CNTN4: variants seen among roughly 807,000 people sequenced by gnomAD.
CNTN4 encodes the protein contactin 4, also known as contactin-4.
CNTN4 carries 77 observed loss-of-function variants against 122.5 expected under a neutral mutation model. The ratio of observed to expected loss-of-function variants is 0.63; its 90% CI spans 0.52 to 0.76. The LOEUF (loss-of-function observed/expected upper bound fraction) is 0.76. Ranked by LOEUF, CNTN4 falls within the 30% of genes least tolerant of loss-of-function variation. The pLI, the probability that CNTN4 is intolerant of heterozygous loss-of-function variation, is 0.00. For missense variants in CNTN4, 1,256 were observed against 1,259.1 expected (o/e 1.00, Z 0.04); for synonymous variants, 512 against 447.0 (o/e 1.15, Z -1.83).
chr3:2,109,800 A>C (rs900991983), intron 2 of CNTN4, among the ~76,000 whole-genome samples: 1 of 152,214 alleles, frequency 6.6e-6, no homozygotes, highest in Non-Finnish European at 1.5e-5. Flanking sequence ...TTGATTAGCT[A>C]TTAGCTAGAT....
intron 9 of CNTN4, among the ~76,000 whole-genome samples, chr3:2,885,969 G>T (rs918518577): frequency 1.3e-5 from 2 of 152,086 alleles, no homozygotes; most frequent in African/African-American, 4.8e-5. Context: ...GACAGCTCAG[G>T]GCTGCCATGA....
intron 4 of CNTN4, among the ~76,000 whole-genome samples, chr3:2,650,764 A>C (rs775453001): frequency 6.6e-6 from 1 of 152,194 alleles, no homozygotes; most frequent in African/African-American, 2.4e-5. Flanking sequence ...AGTTATGTAC[A>C]TTGTGTTTTT....
chr3:2,687,535 C>T (rs138921068), intron 4 of CNTN4, among the ~76,000 whole-genome samples: 16 of 152,180 alleles, frequency 1.1e-4, no homozygotes, highest in Non-Finnish European at 1.5e-4. Flanking sequence ...TGGTGGCATG[C>T]GCCTGTAGTC....
Position 2,518,215 on chromosome 3 carries a change from A to ATGTGTG in CNTN4, c.-88-53186_-88-53181dup, listed in dbSNP as rs59623316. On this transcript the variant is annotated intron_variant, in intron 3 of 24. Transcript: ENST00000418658. ...GAGGAAAACAGTTTCTTAGGTTAATATGTGTGTGTGTGTGTGTGTGCACAC... is the reference window on the plus strand; with the variant it reads ...GAGGAAAACAGTTTCTTAGGTTAATATGTGTGTGTGTGTGTGTGTGTGTGTGCACAC... Among the ~76,000 whole-genome samples, 731 of 150,840 alleles carry ATGTGTG rather than the reference A, an allele frequency of 4.8e-3. 12 individuals are homozygous for ATGTGTG. The highest frequency in any genetic ancestry group is 0.016 in the African/African-American group (666 of 41,222).
intron 3 of CNTN4, among the ~76,000 whole-genome samples, chr3:2,521,681 T>G (rs2077224125): frequency 1.3e-5 from 2 of 152,044 alleles, no homozygotes; most frequent in Admixed American, 1.3e-4. Context: ...GGTAGTAAAA[T>G]ATATAGTGTT....
chr3:2,196,830 A>C (rs971985067), intron 2 of CNTN4, among the ~76,000 whole-genome samples: 1 of 152,050 alleles, frequency 6.6e-6, no homozygotes, highest in Admixed American at 6.6e-5. Flanking sequence ...AGATCTTATG[A>C]GGTCGGAAGT....
At chr3:2,273,436 G>A (rs1218535864) in intron 2 of CNTN4, among the ~76,000 whole-genome samples, 1 of 152,090 alleles carries the variant, frequency 6.6e-6, no homozygotes, top group Admixed American at 6.6e-5. Context: ...GTCTCTTCCA[G>A]TTGTTTTTCT....
At chr3:2,576,086 C>T (rs1170893840) in intron 4 of CNTN4, among the ~76,000 whole-genome samples, 1 of 152,098 alleles carries the variant, frequency 6.6e-6, no homozygotes, top group Non-Finnish European at 1.5e-5. Context: ...CTGCCCACCT[C>T]GGCCTCCCAG....
chr3:2,914,242 G>C (rs184948844), intron 12 of CNTN4, among the ~76,000 whole-genome samples: 9 of 151,956 alleles, frequency 5.9e-5, no homozygotes, highest in African/African-American at 9.7e-5. Context: ...TCGCACCACA[G>C]GCAACTAGAA....
chr3:2,712,856 G>A (rs2087234106), intron 4 of CNTN4, among the ~76,000 whole-genome samples: 1 of 152,172 alleles, frequency 6.6e-6, no homozygotes, highest in African/African-American at 2.4e-5. Flanking sequence ...ACAGGACAGG[G>A]TGCAAAGAGC....
chr3:2,481,890 G>T (rs547972288), intron 3 of CNTN4, among the ~76,000 whole-genome samples: 2 of 152,134 alleles, frequency 1.3e-5, no homozygotes, highest in Admixed American at 6.5e-5. Flanking sequence ...ATGATTGTAA[G>T]TTTCATGAGA....
intron 3 of CNTN4, among the ~76,000 whole-genome samples, chr3:2,537,462 G>A (rs1179021402): frequency 6.6e-6 from 1 of 152,138 alleles, no homozygotes; most frequent in African/African-American, 2.4e-5. Flanking sequence ...TGTCTTTTAA[G>A]TGTTAGGTGT....
intron 4 of CNTN4, among the ~76,000 whole-genome samples, chr3:2,603,781 A>G (rs2081146420): frequency 1.3e-5 from 2 of 152,184 alleles, no homozygotes; most frequent in Admixed American, 1.3e-4. Flanking sequence ...AAGAAAACAG[A>G]TGTGTGTTTC....
At chr3:2,404,912 C>G (rs908127639) in intron 3 of CNTN4, among the ~76,000 whole-genome samples, 5 of 152,086 alleles carry the variant, frequency 3.3e-5, no homozygotes, top group African/African-American at 1.2e-4. Context: ...GGGATGGAGA[C>G]AGTCATCCCC....
At chr3:2,702,656 A>G (rs953445391) in intron 4 of CNTN4, among the ~76,000 whole-genome samples, 5 of 152,172 alleles carry the variant, frequency 3.3e-5, no homozygotes, top group African/African-American at 1.2e-4. Context: ...CTTTTGGGTG[A>G]GCTCCCTCCA....
chr3:2,822,618 A>C (rs547105904), intron 7 of CNTN4, among the ~76,000 whole-genome samples: 1 of 152,250 alleles, frequency 6.6e-6, no homozygotes, highest in African/African-American at 2.4e-5. Flanking sequence ...ACATGGCAGC[A>C]ACCCTAAAAA....
intron 2 of CNTN4, among the ~76,000 whole-genome samples, chr3:2,234,246 C>T (rs1027012767): frequency 9.2e-5 from 14 of 151,758 alleles, no homozygotes; most frequent in Admixed American, 7.2e-4. Flanking sequence ...GGCATGGTAA[C>T]GCACACCTGT....
At chr3:2,608,705 AC>A (rs35498204) in intron 4 of CNTN4, among the ~76,000 whole-genome samples, 14,569 of 152,024 alleles carry the variant, frequency 0.096, 938 homozygotes, top group Non-Finnish European at 0.14. Context: ...CTGATCTCGA[AC>A]TCCTGACCTC....
At chr3:2,608,732 C>T (rs575835650) in intron 4 of CNTN4, among the ~76,000 whole-genome samples, 3 of 152,332 alleles carry the variant, frequency 2.0e-5, no homozygotes, top group South Asian at 2.1e-4. Context: ...CCACCAGCCT[C>T]GGCCTGGCCT....
Sources: allele counts gnomAD v4.1 joint callset (sites outside exome capture counted in the v4.1 genomes callset), GRCh38; gene constraint gnomAD v4.1.1; transcripts MANE v1.5; gene names NCBI Gene and HGNC (gene_info 2026-07-23, HGNC 2026-07-21).